Variants in GRB2 observed in about 807,000 individuals in gnomAD.
GRB2 encodes the protein growth factor receptor-bound protein 2.
A neutral mutation model predicts 27.4 loss-of-function variants in GRB2; 2 were observed. The ratio of observed to expected loss-of-function variants is 0.07; its 90% CI spans 0.03 to 0.23. GRB2 has a LOEUF of 0.23. GRB2 is among the 10% of genes least tolerant of loss of function. The probability of loss-of-function intolerance (pLI) is 1.00; values close to 1 mark genes in which losing one functional copy is unlikely to be tolerated. For missense variants in GRB2, 102 were observed against 282.4 expected, an observed-to-expected ratio of 0.36 and a Z score of 4.58; for synonymous variants, 94 against 99.6, an observed-to-expected ratio of 0.94 and a Z score of 0.33.
intron 2 of GRB2, among the ~76,000 whole-genome samples, chr17:75,375,040 T>C (rs939104892): frequency 6.6e-6 from 1 of 152,082 alleles, no homozygotes; most frequent in Admixed American, 6.6e-5. Context: ...GGACTGCAGA[T>C]GTGTGCCACC....
At chr17:75,405,432 G>A (rs2079093686) in intron 1 of GRB2, 57 bp downstream of exon 1, 1 of 152,324 alleles carries the variant, frequency 6.6e-6, no homozygotes, top group African/African-American at 2.4e-5. Flanking sequence ...CACTCCCGCT[G>A]TAGAGCCAAG....
intron 2 of GRB2, among the ~76,000 whole-genome samples, chr17:75,338,221 TGCTCA>T (rs965440585): frequency 3.9e-5 from 6 of 152,022 alleles, no homozygotes; most frequent in Admixed American, 1.3e-4. Context: ...CCTGTCACCA[TGCTCA>T]GCTAATTTTT....
intron 2 of GRB2, among the ~76,000 whole-genome samples, chr17:75,357,781 C>T (rs540357623): frequency 2.0e-5 from 3 of 152,166 alleles, no homozygotes; most frequent in Non-Finnish European, 2.9e-5. Context: ...ATTAGCTGGG[C>T]GTGGTGGCAG....
At chr17:75,338,973 T>A (rs190294248) in intron 2 of GRB2, 5 of 1,200,466 alleles carry the variant, frequency 4.2e-6, no homozygotes, top group East Asian at 4.6e-5. Flanking sequence ...GTGGCTATGG[T>A]GGGCAGACTA....
chr17:75,330,578 G>A (rs2078533346), intron 3 of GRB2, among the ~76,000 whole-genome samples: 1 of 152,066 alleles, frequency 6.6e-6, no homozygotes, highest in African/African-American at 2.4e-5. Context: ...GCAGGCTGAG[G>A]CACAAGAATC....
At position 75,382,774 on chromosome 17, in the gene GRB2, T is replaced by A. The variant is rs78004068; in HGVS notation, c.78+10777A>T. ...CCCAGGCTAGAGTGCGGTGGCACTA[T>A]CTGGGATCACTGCAAGCTCAGCCTT... On this transcript the variant is annotated intron_variant, in intron 2 of 5. Coordinates refer to ENST00000316804, the MANE Select transcript of GRB2 (RefSeq NM_002086.5). Among the ~76,000 whole-genome samples, 8 of 152,320 alleles carry A rather than the reference T, an allele frequency of 5.3e-5. No homozygotes were observed. The East Asian group carries it at 1.5e-3, about 29-fold the overall frequency.
intron 2 of GRB2, among the ~76,000 whole-genome samples, chr17:75,337,043 G>T (rs1292896983): frequency 2.6e-5 from 4 of 152,262 alleles, no homozygotes; most frequent in Non-Finnish European, 5.9e-5. Flanking sequence ...GGCCAAAAAT[G>T]TAACATTTGA....
intron 2 of GRB2, among the ~76,000 whole-genome samples, chr17:75,380,204 G>A (rs1403304233): frequency 6.6e-6 from 1 of 152,100 alleles, no homozygotes; most frequent in African/African-American, 2.4e-5. Flanking sequence ...CCATGAAGCT[G>A]TGCACAGTGA....
chr17:75,401,369 C>T (rs1376682020), intron 1 of GRB2, among the ~76,000 whole-genome samples: 14 of 145,920 alleles, frequency 9.6e-5, no homozygotes, highest in Non-Finnish European at 1.9e-4. Context: ...GGCGTGAACC[C>T]GGGAAGCGGA....
Position 75,349,289 on chromosome 17 carries a change from T to C in GRB2, c.79-16492A>G, listed in dbSNP as rs141776977. Among the ~76,000 whole-genome samples, 9 of 152,296 alleles carry C rather than the reference T, an allele frequency of 5.9e-5. No individual in the cohort carries two copies. In the East Asian group the frequency reaches 1.4e-3, roughly 23 times the overall value. ...AATTACATACATTTGGACAGCTGGA[T>C]GTGGCTCAATCAAGCAGGGTCCTCT... On this transcript the variant is annotated intron_variant, in intron 2 of 5. Transcript: ENST00000316804.
At chr17:75,321,169 C>CTTTTTTTTTTTTTTT (rs61287852) in intron 5 of GRB2, among the ~76,000 whole-genome samples, 1 of 120,064 alleles carries the variant, frequency 8.3e-6, no homozygotes, top group Non-Finnish European at 1.7e-5. Context: ...AACAACAAAT[C>CTTTTTTTTTTTTTTT]TTTTTTTTTT....
intron 2 of GRB2, among the ~76,000 whole-genome samples, chr17:75,381,890 G>C (rs2078931422): frequency 1.3e-5 from 2 of 151,748 alleles, no homozygotes; most frequent in African/African-American, 4.8e-5. Context: ...AAAAGCTCTT[G>C]CATTTTTCAA....
intron 2 of GRB2, among the ~76,000 whole-genome samples, chr17:75,376,547 G>C (rs1239508844): frequency 1.3e-5 from 2 of 148,712 alleles, no homozygotes; most frequent in African/African-American, 4.9e-5. Flanking sequence ...GATTAGTGAA[G>C]CATGAACTTC....
intron 3 of GRB2, among the ~76,000 whole-genome samples, chr17:75,327,563 G>T (rs1002656550): frequency 1.2e-4 from 18 of 148,232 alleles, no homozygotes; most frequent in Non-Finnish European, 4.5e-5. Context: ...TAGAGACGGG[G>T]TTTCACCATA....
At chr17:75,348,371 G>GA (rs1299722649) in intron 2 of GRB2, among the ~76,000 whole-genome samples, 1 of 152,278 alleles carries the variant, frequency 6.6e-6, no homozygotes, top group East Asian at 1.9e-4. Context: ...TAAAAGTTGA[G>GA]AAAGGGGGTG....
intron 2 of GRB2, among the ~76,000 whole-genome samples, chr17:75,361,012 TCCTCCCACCTTAG>T (rs1394734266): frequency 4.6e-5 from 7 of 152,036 alleles, no homozygotes; most frequent in Non-Finnish European, 1.0e-4. Context: ...CCTCAAGCGA[TCCTCCCACCTTAG>T]CCTCCCAAGT....
intron 2 of GRB2, among the ~76,000 whole-genome samples, chr17:75,340,081 CAT>C (rs1303354496): frequency 6.6e-6 from 1 of 152,124 alleles, no homozygotes; most frequent in Non-Finnish European, 1.5e-5. Flanking sequence ...AAATAGAAAT[CAT>C]AATTTTTTTT....
chr17:75,369,814 C>A (rs1044311071), intron 2 of GRB2, among the ~76,000 whole-genome samples: 2 of 150,724 alleles, frequency 1.3e-5, no homozygotes, highest in Non-Finnish European at 2.9e-5. Context: ...GAGCCAAGAT[C>A]GTGCCACTGC....
intron 4 of GRB2, among the ~76,000 whole-genome samples, chr17:75,324,521 T>TTGTTTG (rs1448092243): frequency 7.0e-5 from 6 of 85,970 alleles, no homozygotes; most frequent in African/African-American, 2.1e-4. Context: ...TTTTTTTTTT[T>TTGTTTG]TTTTTTTTTT....
Sources: allele counts gnomAD v4.1 joint callset (sites outside exome capture counted in the v4.1 genomes callset), GRCh38; gene constraint gnomAD v4.1.1; transcripts MANE v1.5; gene names NCBI Gene and HGNC (gene_info 2026-07-23, HGNC 2026-07-21).